The following NEU3 variants were observed in gnomAD, a reference collection of about 807,000 sequenced individuals.
NEU3 encodes the protein sialidase-3.
A neutral mutation model predicts 11.4 loss-of-function variants in NEU3; 10 were observed. That is an observed-to-expected ratio of 0.88 (90% confidence interval 0.54 to 1.49). NEU3 has a LOEUF of 1.49. NEU3 is among the 40% of genes most tolerant of loss of function. NEU3 has a pLI of 0.00. For missense variants in NEU3, 529 were observed against 581.8 expected, an observed-to-expected ratio of 0.91 and a Z score of 0.93; for synonymous variants, 212 against 228.2, an observed-to-expected ratio of 0.93 and a Z score of 0.64.
chr11:74,997,929 C>A (rs192536525), intron 2 of NEU3, among the ~76,000 whole-genome samples: 1 of 152,140 alleles, frequency 6.6e-6, no homozygotes, highest in Non-Finnish European at 1.5e-5. Flanking sequence ...GCCTAGCTAT[C>A]GGCCTGTCTT....
At position 75,008,931 on chromosome 11, in the gene NEU3, G is replaced by T. The variant is rs1199028609; in HGVS notation, c.*2439G>T. 6.6e-6 allele frequency: 1 copy of T among 152,064 alleles called. No homozygotes were observed. The highest frequency in any genetic ancestry group is 1.5e-5 in the Non-Finnish European group (1 of 68,048). 9.4% of individuals were successfully genotyped at this position (152,064 alleles called of 1,614,324 possible). A position where few individuals can be genotyped will look rare whatever the true frequency, so the allele number is the denominator to read the frequency against. ...TTGGTCTGTGCCACTGTGACGCAGA[G>T]ATGTATAATACCAGTACTCATAAGA... is the stretch of plus-strand genomic sequence containing the variant. On this transcript the variant is annotated 3_prime_UTR_variant, in exon 3 of 3. Coordinates refer to ENST00000294064, the MANE Select transcript of NEU3 (RefSeq NM_006656.6).
Position 74,988,959 on chromosome 11 carries a change from G to T in NEU3, c.-102G>T. ...GTCGACACGCTCTTCGCTTCTCGGG[G>T]CTTGTCTCCGTGTCCTCCGTCTCAG... is the stretch of plus-strand genomic sequence containing the variant. On this transcript the variant is annotated 5_prime_UTR_variant, in exon 1 of 3. Coordinates refer to ENST00000294064, the MANE Select transcript of NEU3 (RefSeq NM_006656.6). 1.1e-6 allele frequency: 1 copy of T among 881,034 alleles called. No homozygotes were observed. The allele number at this position is 881,034 out of a possible 1,614,324, so 54.6% of individuals were successfully genotyped here.
chr11:75,005,618 G>C lies in NEU3; in HGVS notation c.512G>C (p.Trp171Ser). The C allele has an allele frequency of 6.2e-7, 1 of 1,614,028 alleles. No homozygotes were observed. The highest frequency in any genetic ancestry group is 8.5e-7 in the Non-Finnish European group (1 of 1,179,894). Residue 171 changes from tryptophan (W) to serine (S), a missense_variant, in exon 3 of 3, where the codon TGG becomes TCG. Physicochemically the swap from Trp to Ser is radical, Grantham distance 177. Coordinates refer to ENST00000294064, the MANE Select transcript of NEU3 (RefSeq NM_006656.6). ...FIYSQDAGCS[W>S]SEVRDLTEEV... The stretch of plus-strand genomic sequence containing the variant: ...TACAGTCAGGATGCTGGATGTTCAT[G>C]GAGTGAGGTGAGGGACTTGACTGAG...
At chr11:74,997,417 G>C (rs371865396) in intron 2 of NEU3, among the ~76,000 whole-genome samples, 2 of 152,128 alleles carry the variant, frequency 1.3e-5, no homozygotes, top group East Asian at 1.9e-4. Context: ...CCTGGTTTAG[G>C]CTTTGTCTTA....
upstream of NEU3, among the ~76,000 whole-genome samples, chr11:74,986,846 A>G (rs1948668942): frequency 6.6e-6 from 1 of 151,950 alleles, no homozygotes; most frequent in Non-Finnish European, 1.5e-5. Context: ...CTACATTCTT[A>G]AGTTAGATCC....
At chr11:74,983,310 G>A (rs950789415), upstream of NEU3, among the ~76,000 whole-genome samples, 2 of 152,188 alleles carry the variant, frequency 1.3e-5, no homozygotes, top group Non-Finnish European at 2.9e-5. Context: ...CCCATTCAGG[G>A]ACTACTGCAG....
intron 1 of NEU3, among the ~76,000 whole-genome samples, chr11:74,990,372 T>A (rs1948716970): frequency 6.6e-6 from 1 of 152,180 alleles, no homozygotes; most frequent in Non-Finnish European, 1.5e-5. Flanking sequence ...TCCTTTTTTT[T>A]TTGAGATGGA....
In NEU3 at chr11:75,008,250, G is replaced by A. The variant is rs1948919066; in HGVS notation, c.*1758G>A. The A allele has an allele frequency of 6.6e-6, 1 of 152,152 alleles. No individual in the cohort carries two copies. The highest frequency in any genetic ancestry group is 2.4e-5 in the African/African-American group (1 of 41,420). 9.4% of individuals were successfully genotyped at this position (152,152 alleles called of 1,614,324 possible). A position where few individuals can be genotyped will look rare whatever the true frequency, so the allele number is the denominator to read the frequency against. ...TGTTTACATTTAGCCTGGCATGTAGGACCTTCCAGCTGTTGGGTGAAATAA... is the reference window on the plus strand; with the variant it reads ...TGTTTACATTTAGCCTGGCATGTAGAACCTTCCAGCTGTTGGGTGAAATAA... On this transcript the variant is annotated 3_prime_UTR_variant, in exon 3 of 3. Transcript: ENST00000294064.
At chr11:74,997,690 CAAAAAAA>C (rs35900546) in intron 2 of NEU3, among the ~76,000 whole-genome samples, 4 of 97,698 alleles carry the variant, frequency 4.1e-5, no homozygotes, top group East Asian at 2.9e-4. Context: ...CTAAAAATAC[CAAAAAAA>C]AAAAAAAAAA....
intron 2 of NEU3, among the ~76,000 whole-genome samples, chr11:74,996,633 A>G (rs1256119884): frequency 6.6e-6 from 1 of 152,198 alleles, no homozygotes; most frequent in East Asian, 1.9e-4. Context: ...TGAATCATGA[A>G]TGTTCTGAAT....
rs1565497680 is a variant in NEU3, at chr11:75,006,141, C to A, written c.1035C>A (p.Gly345=). 6.2e-7 allele frequency: 1 copy of A among 1,614,026 alleles called. No individual in the cohort carries two copies. The highest frequency in any genetic ancestry group is 8.5e-7 in the Non-Finnish European group (1 of 1,179,884). The change falls in exon 3 of 3, where the codon GGC becomes GGA. Residue 345 remains glycine (G), a synonymous_variant. Coordinates refer to ENST00000294064, the MANE Select transcript of NEU3 (RefSeq NM_006656.6). ...DAPTIQQSSP[G]SSLRLEEEAG... ...CCACCATTCAGCAGAGCTCTCCAGG[C>A]AGTTCACTGAGGCTGGAGGAGGAAG...
At chr11:74,989,626 A>C (rs746961166) in intron 1 of NEU3, among the ~76,000 whole-genome samples, 6 of 152,192 alleles carry the variant, frequency 3.9e-5, no homozygotes, top group Non-Finnish European at 5.9e-5. Flanking sequence ...GTTAGGAGTG[A>C]ATAAATGAGA....
chr11:74,989,424 C>T (rs912852723), intron 1 of NEU3, among the ~76,000 whole-genome samples: 2 of 152,148 alleles, frequency 1.3e-5, no homozygotes, highest in Admixed American at 6.5e-5. Flanking sequence ...GGTCTCTGGG[C>T]GGCAGAAAGA....
intron 1 of NEU3, 100 bp from the exon 2 acceptor site, chr11:74,994,409 C>T: frequency 1.2e-6 from 1 of 821,750 alleles, no homozygotes; most frequent in Non-Finnish European, 1.9e-6. Context: ...ATCTGTGCCC[C>T]CCCACCTTTG....
intron 2 of NEU3, among the ~76,000 whole-genome samples, chr11:75,001,719 T>A (rs1024887672): frequency 3.3e-5 from 5 of 152,244 alleles, no homozygotes; most frequent in Non-Finnish European, 7.3e-5. Flanking sequence ...AAGACTTTCA[T>A]GCTATGTTTA....
In NEU3 at chr11:74,989,141, G is replaced by A. The variant is rs1412745393; in HGVS notation, c.81G>A (p.Pro27=). The change falls in exon 1 of 3, where the codon CCG becomes CCA. Residue 27 remains proline (P), a synonymous_variant. Coordinates refer to ENST00000294064, the MANE Select transcript of NEU3 (RefSeq NM_006656.6). The part of the protein sequence containing the change: ...SSSAPTETEE[P]GSSAEVMEEV... ...CTGCCCCGACAGAGACGGAGGAGCC[G>A]GGGTCCAGTGCAGGTGAGCGGGGTT... 6.4e-7 allele frequency: 1 copy of A among 1,551,092 alleles called. No homozygotes were observed.
Position 74,989,009 on chromosome 11 carries a change from C to T in NEU3, c.-52C>T, listed in dbSNP as rs1045711230. The T allele has an allele frequency of 7.8e-5, 106 of 1,360,352 alleles. No individual in the cohort carries two copies. Among genetic ancestry groups the T allele is most frequent in the Middle Eastern group, 4.7e-4 (2 of 4,276 alleles). 84.3% of individuals were successfully genotyped at this position (1,360,352 alleles called of 1,614,324 possible). A position where few individuals can be genotyped will look rare whatever the true frequency, so the allele number is the denominator to read the frequency against. ...GTTGTTTCTCCCTCTCTATCCTCCT[C>T]TGTCTCAGTCTCCCCAGCCTTGGGG... is the stretch of plus-strand genomic sequence containing the variant. On this transcript the variant is annotated 5_prime_UTR_variant, in exon 1 of 3. Coordinates refer to ENST00000294064, the MANE Select transcript of NEU3 (RefSeq NM_006656.6).
downstream of NEU3, among the ~76,000 whole-genome samples, chr11:75,020,501 A>T (rs112082128): frequency 7.9e-5 from 12 of 152,232 alleles, no homozygotes; most frequent in South Asian, 2.1e-4. Context: ...ATGATCGTGA[A>T]CAAGTCTCAT....
At position 75,009,938 on chromosome 11, in the gene NEU3, C is replaced by T. The variant is rs996022646; in HGVS notation, c.*3446C>T. 4 of 152,248 alleles carry T rather than the reference C, an allele frequency of 2.6e-5. No homozygotes were observed. Among genetic ancestry groups the T allele is most frequent in the African/African-American group, 7.2e-5 (3 of 41,450 alleles). The allele number at this position is 152,248 out of a possible 1,614,324, so 9.4% of individuals were successfully genotyped here. On this transcript the variant is annotated 3_prime_UTR_variant, in exon 3 of 3. Transcript: ENST00000294064. ...GCTTTTCACCCTGCCTGTTGGGTAG[C>T]CCAGAGGACCCACAAAGGTCAACCT...
Sources: allele counts gnomAD v4.1 joint callset (sites outside exome capture counted in the v4.1 genomes callset), GRCh38; gene constraint gnomAD v4.1.1; transcripts MANE v1.5; gene names NCBI Gene and HGNC (gene_info 2026-07-23, HGNC 2026-07-21).